GRIN2B: variants seen among roughly 807,000 people sequenced by gnomAD.
GRIN2B encodes glutamate ionotropic receptor NMDA type subunit 2B.
A neutral mutation model predicts 114.5 loss-of-function variants in GRIN2B; 5 were observed. The ratio of observed to expected loss-of-function variants is 0.04; its 90% CI spans 0.02 to 0.09. The LOEUF (loss-of-function observed/expected upper bound fraction) is 0.09, where lower values mean the gene tolerates loss of function less well. Ranked by LOEUF, GRIN2B falls within the 10% of genes least tolerant of loss-of-function variation. The pLI, the probability that GRIN2B is intolerant of heterozygous loss-of-function variation, is 1.00. For synonymous variants in GRIN2B, 787 were observed against 745.1 expected (o/e 1.06, Z -0.92); for missense variants, 1,108 against 1,943.5 (o/e 0.57, Z 8.08).
chr12:13,959,445 A>T (rs1867652787), intron 2 of GRIN2B, among the ~76,000 whole-genome samples: 1 of 152,186 alleles, frequency 6.6e-6, no homozygotes, highest in South Asian at 2.1e-4. Context: ...GAGTAGAGAA[A>T]ACAGTGTTTA....
chr12:13,564,684 G>C lies in GRIN2B; in HGVS notation c.2599-45C>G, dbSNP rs545099612. 7 of 1,560,498 alleles carry C rather than the reference G, an allele frequency of 4.5e-6. No individual in the cohort carries two copies. The highest frequency in any genetic ancestry group is 6.2e-6 in the Non-Finnish European group (7 of 1,134,232). ...ACAGGTTAGATCTCCAGAGAGGCTAGAAATGACCACAAAAAACACTCTCCC... is the reference window on the plus strand; with the variant it reads ...ACAGGTTAGATCTCCAGAGAGGCTACAAATGACCACAAAAAACACTCTCCC... On this transcript the variant is annotated intron_variant, in intron 13 of 13. Coordinates refer to ENST00000609686, the MANE Select transcript of GRIN2B (RefSeq NM_000834.5). The surrounding 1 kb of genome is among the most constrained non-coding windows in gnomAD (Gnocchi z 4.8).
chr12:13,735,967 TGTGTGTCCTTTACAC>T (rs1421498124), intron 4 of GRIN2B, among the ~76,000 whole-genome samples: 2 of 151,888 alleles, frequency 1.3e-5, no homozygotes, highest in African/African-American at 4.8e-5. Context: ...AGACATAGCA[TGTGTGTCCTTTACAC>T]GGGATTCAGA....
intron 5 of GRIN2B, among the ~76,000 whole-genome samples, chr12:13,664,937 C>T (rs903807051): frequency 5.3e-5 from 8 of 152,118 alleles, no homozygotes; most frequent in African/African-American, 1.9e-4. Flanking sequence ...TGCAGGGATA[C>T]GGTGCCACTG....
intron 10 of GRIN2B, among the ~76,000 whole-genome samples, chr12:13,577,125 G>A (rs1365610200): frequency 1.3e-5 from 2 of 152,166 alleles, no homozygotes; most frequent in African/African-American, 4.8e-5. Context: ...CAGTCCTACT[G>A]CTGCCTACTA....
intron 2 of GRIN2B, among the ~76,000 whole-genome samples, chr12:13,924,067 T>C (rs1355769268): frequency 6.6e-6 from 1 of 152,210 alleles, no homozygotes. Flanking sequence ...CTTACTCTTA[T>C]TGTTCTTTCT....
intron 3 of GRIN2B, among the ~76,000 whole-genome samples, chr12:13,839,220 T>C (rs911218497): frequency 6.6e-6 from 1 of 152,178 alleles, no homozygotes; most frequent in Non-Finnish European, 1.5e-5. Flanking sequence ...TGATTTTCTA[T>C]CATCTAAAAT....
At chr12:13,712,104 C>T (rs1950419810) in intron 4 of GRIN2B, among the ~76,000 whole-genome samples, 1 of 151,958 alleles carries the variant, frequency 6.6e-6, no homozygotes, top group South Asian at 2.1e-4. Flanking sequence ...CAGAAACCAT[C>T]ATTCTCAGCA....
intron 4 of GRIN2B, among the ~76,000 whole-genome samples, chr12:13,710,576 A>T (rs1351087678): frequency 6.6e-6 from 1 of 152,068 alleles, no homozygotes; most frequent in African/African-American, 2.4e-5. Flanking sequence ...GCATTCTTAC[A>T]CACCAATAAC....
intron 5 of GRIN2B, among the ~76,000 whole-genome samples, chr12:13,625,087 C>A (rs1301979324): frequency 6.6e-6 from 1 of 152,156 alleles, no homozygotes; most frequent in African/African-American, 2.4e-5. Context: ...GAGGGCCAGG[C>A]ACTTCTTGTG....
At chr12:13,641,327 C>G (rs1174033146) in intron 5 of GRIN2B, among the ~76,000 whole-genome samples, 1 of 152,110 alleles carries the variant, frequency 6.6e-6, no homozygotes, top group Non-Finnish European at 1.5e-5. Flanking sequence ...CCCACTTCAG[C>G]CTCCCACAGT....
chr12:13,871,589 C>T (rs906209900), intron 2 of GRIN2B, among the ~76,000 whole-genome samples: 2 of 151,552 alleles, frequency 1.3e-5, no homozygotes, highest in African/African-American at 2.4e-5. Flanking sequence ...ATTAAGTTTT[C>T]ACTTACTGCA....
At chr12:13,743,423 A>G (rs1863319039) in intron 4 of GRIN2B, among the ~76,000 whole-genome samples, 1 of 152,140 alleles carries the variant, frequency 6.6e-6, no homozygotes. Context: ...GGAGTCCACT[A>G]TTTTGAGTCA....
chr12:13,704,691 T>C (rs1214767171), intron 4 of GRIN2B, among the ~76,000 whole-genome samples: 2 of 152,148 alleles, frequency 1.3e-5, no homozygotes, highest in Non-Finnish European at 2.9e-5. Flanking sequence ...CTTCTCCCCA[T>C]GGCTGCATCT....
chr12:13,860,719 T>C (rs1865738794), intron 3 of GRIN2B, among the ~76,000 whole-genome samples: 1 of 152,208 alleles, frequency 6.6e-6, no homozygotes, highest in Non-Finnish European at 1.5e-5. Context: ...AGATCCAGAA[T>C]GTGATGCACG....
intron 10 of GRIN2B, among the ~76,000 whole-genome samples, chr12:13,601,699 A>G (rs138910947): frequency 6.6e-6 from 1 of 152,086 alleles, no homozygotes; most frequent in African/African-American, 2.4e-5. Flanking sequence ...CGTTCAAGGG[A>G]AAGAGGGTCG....
chr12:13,805,186 A>G (rs1864579876), intron 3 of GRIN2B, among the ~76,000 whole-genome samples: 1 of 152,144 alleles, frequency 6.6e-6, no homozygotes. Flanking sequence ...AGTCATCTCT[A>G]TTTTACAATT....
chr12:13,927,723 G>A (rs1369716266), intron 2 of GRIN2B, among the ~76,000 whole-genome samples: 1 of 151,936 alleles, frequency 6.6e-6, no homozygotes, highest in Non-Finnish European at 1.5e-5. Flanking sequence ...GGAGGCTGAG[G>A]TGGGAGGATC....
At chr12:13,726,027 A>C (rs897582618) in intron 4 of GRIN2B, among the ~76,000 whole-genome samples, 6 of 152,066 alleles carry the variant, frequency 3.9e-5, no homozygotes, top group African/African-American at 1.4e-4. Context: ...CTACCCATGA[A>C]TTTCTACCTA....
chr12:13,573,506 C>T (rs944261305), intron 10 of GRIN2B, among the ~76,000 whole-genome samples: 1 of 140,732 alleles, frequency 7.1e-6, no homozygotes, highest in Non-Finnish European at 1.6e-5. Flanking sequence ...AATAAATGTT[C>T]TCTTATATTA....
Sources: gnomAD v4.1 joint callset for allele counts (sites outside exome capture counted in the v4.1 genomes callset) on GRCh38, gnomAD v4.1.1 for gene constraint, Gnocchi (gnomAD v3.1) non-coding constraint, MANE v1.5 for transcripts, NCBI Gene and HGNC (gene_info 2026-07-23, HGNC 2026-07-21) for gene names.